Variants in HSDL2 observed in about 807,000 individuals in gnomAD.
HSDL2 encodes hydroxysteroid dehydrogenase like 2, also known as hydroxysteroid dehydrogenase-like protein 2.
A neutral mutation model predicts 46.3 loss-of-function variants in HSDL2; 27 were observed. The observed-to-expected ratio is 0.58, with a 90% CI of 0.43 to 0.80. The LOEUF is 0.80. HSDL2 is among the 30% of genes least tolerant of loss of function. The pLI is 0.00. For missense variants in HSDL2, 451 were observed against 502.7 expected (o/e 0.90, Z 0.98); for synonymous variants, 153 against 163.6 (o/e 0.94, Z 0.50).
intron 4 of HSDL2, among the ~76,000 whole-genome samples, chr9:112,412,354 G>A (rs540524957): frequency 3.3e-5 from 5 of 152,254 alleles, no homozygotes; most frequent in African/African-American, 1.2e-4. Flanking sequence ...CAAGTTTAAG[G>A]CAGATTTATC....
intron 5 of HSDL2, among the ~76,000 whole-genome samples, chr9:112,417,576 T>C (rs1181705086): frequency 6.6e-6 from 1 of 152,038 alleles, no homozygotes; most frequent in South Asian, 2.1e-4. Flanking sequence ...TACATATAGA[T>C]GCCTCCTTTA....
intron 10 of HSDL2, 51 bp from the exon 11 acceptor site, chr9:112,470,381 T>A: frequency 9.3e-7 from 1 of 1,079,080 alleles, no homozygotes; most frequent in South Asian, 1.3e-5. Context: ...AAGCAATATA[T>A]CCCTAAGGGC....
At chr9:112,401,586 C>T (rs926390884) in intron 1 of HSDL2, among the ~76,000 whole-genome samples, 2 of 151,748 alleles carry the variant, frequency 1.3e-5, no homozygotes, top group African/African-American at 4.8e-5. Flanking sequence ...CACACACAGA[C>T]AGGTGGTGGG....
chr9:112,421,738 T>A (rs573022412), intron 6 of HSDL2, among the ~76,000 whole-genome samples: 1 of 152,244 alleles, frequency 6.6e-6, no homozygotes, highest in African/African-American at 2.4e-5. Context: ...GATGGCAAAT[T>A]GGAATCTTTT....
chr9:112,442,758 G>T (rs1264170551), intron 8 of HSDL2, among the ~76,000 whole-genome samples: 3 of 150,740 alleles, frequency 2.0e-5, no homozygotes, highest in Non-Finnish European at 3.0e-5. Flanking sequence ...TTTTTTTTTA[G>T]AAGTCTGATA....
intron 2 of HSDL2, among the ~76,000 whole-genome samples, chr9:112,405,177 C>T (rs112151391): frequency 2.0e-5 from 3 of 152,268 alleles, no homozygotes; most frequent in African/African-American, 7.2e-5. Flanking sequence ...CATGGCAAAA[C>T]CGTGTCTCTA....
At chr9:112,400,964 T>A (rs1213772559) in intron 1 of HSDL2, among the ~76,000 whole-genome samples, 1 of 152,220 alleles carries the variant, frequency 6.6e-6, no homozygotes, top group East Asian at 1.9e-4. Context: ...TGGTTCCAAC[T>A]GAGGTCACCT....
At chr9:112,442,446 C>T (rs1292431584) in intron 8 of HSDL2, among the ~76,000 whole-genome samples, 2 of 152,100 alleles carry the variant, frequency 1.3e-5, no homozygotes, top group East Asian at 3.8e-4. Flanking sequence ...TCAAATACAT[C>T]TAACACCATT....
intron 8 of HSDL2, among the ~76,000 whole-genome samples, chr9:112,446,449 G>C (rs1832762564): frequency 6.6e-6 from 1 of 152,088 alleles, no homozygotes; most frequent in Non-Finnish European, 1.5e-5. Context: ...TGTAGCAATA[G>C]CAAGATCCCA....
rs1469627652 is a variant in HSDL2, at chr9:112,382,208, C to T, written c.17+2028C>T. Reference sequence around the variant, plus strand: ...CCTGGAGGCGGAGGTGGCAGTGAGCCGAGATCATGCCACTGCCCTGCCCTC... The same window carrying T: ...CCTGGAGGCGGAGGTGGCAGTGAGCTGAGATCATGCCACTGCCCTGCCCTC... On this transcript the variant is annotated intron_variant, in intron 1 of 10. Transcript: ENST00000398805. Among the ~76,000 whole-genome samples, 24 of 152,140 alleles carry T rather than the reference C, an allele frequency of 1.6e-4. 1 individual carries two copies. Among genetic ancestry groups the T allele is most frequent in the Admixed American group, 1.5e-3 (23 of 15,276 alleles).
Position 112,405,671 on chromosome 9 carries a change from G to C in HSDL2, c.229G>C (p.Asp77His), listed in dbSNP as rs1831709341. The change falls in exon 3 of 11, where the codon GAT (aspartate) becomes CAT (histidine). Residue 77 changes from aspartate (D) to histidine (H), a missense_variant. Physicochemically the swap from Asp to His is moderately conservative, Grantham distance 81 (BLOSUM62 -1). Transcript: ENST00000398805. The stretch of plus-strand genomic sequence containing the variant: ...CTTGCCATGTATTGTTGATGTGAGA[G>C]ATGAACAGCAGATCAGTGCTGCAGT... The part of the protein sequence containing the change: ...KALPCIVDVR[D>H]EQQISAAVEK... The C allele has an allele frequency of 6.2e-7, 1 of 1,613,534 alleles. No homozygotes were observed.
At chr9:112,397,901 C>T (rs1004631214) in intron 1 of HSDL2, among the ~76,000 whole-genome samples, 2 of 152,152 alleles carry the variant, frequency 1.3e-5, no homozygotes, top group African/African-American at 4.8e-5. Context: ...TAAATCAATG[C>T]ACTTGTACCC....
At chr9:112,386,397 A>T (rs1831217956) in intron 1 of HSDL2, among the ~76,000 whole-genome samples, 1 of 152,170 alleles carries the variant, frequency 6.6e-6, no homozygotes, top group Non-Finnish European at 1.5e-5. Flanking sequence ...CGATGATATT[A>T]TCCTGCACAG....
chr9:112,396,584 A>C (rs982892198), intron 1 of HSDL2, among the ~76,000 whole-genome samples: 1 of 152,142 alleles, frequency 6.6e-6, no homozygotes, highest in Non-Finnish European at 1.5e-5. Flanking sequence ...CAGACACCAT[A>C]AGTTTATTCT....
chr9:112,421,845 C>T (rs1321412791), intron 6 of HSDL2, among the ~76,000 whole-genome samples: 2 of 152,118 alleles, frequency 1.3e-5, no homozygotes, highest in East Asian at 1.9e-4. Flanking sequence ...GCTGCTAGGA[C>T]GGTGGGCAGG....
intron 1 of HSDL2, among the ~76,000 whole-genome samples, chr9:112,381,631 G>T (rs1831098868): frequency 6.6e-6 from 1 of 152,150 alleles, no homozygotes; most frequent in African/African-American, 2.4e-5. Context: ...TGGGATTACA[G>T]GCGTAAGCCA....
At chr9:112,419,292 C>T (rs938380307) in intron 6 of HSDL2, among the ~76,000 whole-genome samples, 2 of 152,198 alleles carry the variant, frequency 1.3e-5, no homozygotes, top group Admixed American at 6.5e-5. Flanking sequence ...GCATGAGCCA[C>T]CACGCCCGGC....
chr9:112,385,170 AAAGG>A (rs1366706840), intron 1 of HSDL2, among the ~76,000 whole-genome samples: 1 of 152,144 alleles, frequency 6.6e-6, no homozygotes, highest in African/African-American at 2.4e-5. Flanking sequence ...TTGTATGAAA[AAAGG>A]AAGGGATAGT....
chr9:112,441,384 C>T (rs922938404), intron 7 of HSDL2, among the ~76,000 whole-genome samples: 2 of 152,018 alleles, frequency 1.3e-5, no homozygotes, highest in Non-Finnish European at 2.9e-5. Flanking sequence ...CTGACAACTT[C>T]GGAAGAATGT....
Sources: gnomAD v4.1 joint callset for allele counts (sites outside exome capture counted in the v4.1 genomes callset) on GRCh38, gnomAD v4.1.1 for gene constraint, MANE v1.5 for transcripts, NCBI Gene and HGNC (gene_info 2026-07-23, HGNC 2026-07-21) for gene names.